MAST4: variants seen among roughly 807,000 people sequenced by gnomAD.
MAST4 encodes the protein microtubule associated serine/threonine kinase family member 4.
Under a neutral mutation model 162.7 loss-of-function variants are expected in MAST4, and 89 were observed. The ratio of observed to expected loss-of-function variants is 0.55; its 90% CI spans 0.46 to 0.65. The LOEUF (loss-of-function observed/expected upper bound fraction) is 0.65. MAST4 is among the 30% of genes least tolerant of loss of function. The pLI is 0.00. For missense variants in MAST4, 3,153 were observed against 3,374.0 expected (o/e 0.93, Z 1.62); for synonymous variants, 1,479 against 1,361.1 (o/e 1.09, Z -1.91).
Position 67,149,277 on chromosome 5 carries a change from A to G in MAST4, c.3095-112A>G, listed in dbSNP as rs983994916. 4.8e-5 allele frequency: 43 copies of G among 899,664 alleles called. No individual in the cohort carries two copies. The Middle Eastern group carries it at 1.0e-3, about 21-fold the overall frequency. 55.7% of individuals were successfully genotyped at this position (899,664 alleles called of 1,614,324 possible). On this transcript the variant is annotated intron_variant, in intron 23 of 28. Transcript: ENST00000403625. ...GACACCGTCTGGACTTACTGGCCACATAGGAGTATGTTCTCTGGCGTTTAC... is the reference window on the plus strand; with the variant it reads ...GACACCGTCTGGACTTACTGGCCACGTAGGAGTATGTTCTCTGGCGTTTAC...
At chr5:66,866,573 C>G (rs1389673537) in intron 3 of MAST4, among the ~76,000 whole-genome samples, 1 of 152,106 alleles carries the variant, frequency 6.6e-6, no homozygotes, top group Non-Finnish European at 1.5e-5. Flanking sequence ...TACTTACGTT[C>G]AGGGATCTCT....
intron 4 of MAST4, among the ~76,000 whole-genome samples, chr5:66,907,158 C>CGAGAGAGAGAGAGAGA (rs34963439): frequency 2.2e-4 from 23 of 104,356 alleles, no homozygotes; most frequent in South Asian, 7.4e-4. Flanking sequence ...CTCAGCAAAG[C>CGAGAGAGAGAGAGAGA]GAGAGAGAGA....
At chr5:66,871,030 G>T (rs190905251) in intron 3 of MAST4, among the ~76,000 whole-genome samples, 1 of 152,270 alleles carries the variant, frequency 6.6e-6, no homozygotes, top group Non-Finnish European at 1.5e-5. Context: ...TGGTGTTCTG[G>T]TAAGTGTTTA....
intron 1 of MAST4, among the ~76,000 whole-genome samples, chr5:66,672,695 G>A (rs947287547): frequency 6.6e-6 from 1 of 152,086 alleles, no homozygotes; most frequent in Non-Finnish European, 1.5e-5. Context: ...CTTTCTCATT[G>A]ATGGGTTGCT....
intron 5 of MAST4, among the ~76,000 whole-genome samples, chr5:67,058,175 C>T (rs963063369): frequency 6.6e-6 from 1 of 152,104 alleles, no homozygotes; most frequent in Non-Finnish European, 1.5e-5. Flanking sequence ...ATCTAGTCTG[C>T]AGTGAGCTAT....
In MAST4 at chr5:66,985,653, TA is replaced by T. The variant is rs1490971251; in HGVS notation, c.675-68749del. On this transcript the variant is annotated intron_variant, in intron 4 of 28. Transcript: ENST00000403625. ...TAGCTGAAAGAGACTTTGAAGTAGG[TA>T]AGATACGAGGTTGGGCTTAGAGGAA... 2.0e-5 allele frequency among the ~76,000 whole-genome samples: 3 copies of T among 152,190 alleles called. No homozygotes were observed. In the South Asian group the frequency reaches 6.2e-4, roughly 32 times the overall value.
At chr5:66,711,377 A>C (rs1393310811) in intron 1 of MAST4, among the ~76,000 whole-genome samples, 1 of 152,296 alleles carries the variant, frequency 6.6e-6, no homozygotes, top group East Asian at 1.9e-4. Context: ...AGGGTCTGGG[A>C]GAAGAATCAA....
intron 1 of MAST4, among the ~76,000 whole-genome samples, chr5:66,759,072 T>C (rs1410764437): frequency 6.6e-6 from 1 of 152,256 alleles, no homozygotes; most frequent in Non-Finnish European, 1.5e-5. Context: ...GAAGTGACTT[T>C]GGTTTCTCTG....
intron 4 of MAST4, among the ~76,000 whole-genome samples, chr5:67,038,656 C>T (rs1003229002): frequency 3.9e-5 from 6 of 152,158 alleles, no homozygotes; most frequent in African/African-American, 1.4e-4. Flanking sequence ...CTCATGCTTA[C>T]CACTCATCTC....
chr5:66,782,120 C>G (rs781664503), intron 2 of MAST4, among the ~76,000 whole-genome samples: 2 of 151,926 alleles, frequency 1.3e-5, no homozygotes, highest in Non-Finnish European at 2.9e-5. Flanking sequence ...GAAACCCTGT[C>G]TCTATTAAAA....
At chr5:66,764,973 A>G (rs1422523005) in intron 2 of MAST4, among the ~76,000 whole-genome samples, 1 of 152,214 alleles carries the variant, frequency 6.6e-6, no homozygotes, top group Admixed American at 6.5e-5. Flanking sequence ...TATCCTATAC[A>G]GGTGTACCAC....
At chr5:66,843,489 C>CT (rs142722933) in intron 3 of MAST4, among the ~76,000 whole-genome samples, 152 of 152,296 alleles carry the variant, frequency 1.0e-3, no homozygotes, top group African/African-American at 3.5e-3. Flanking sequence ...AGATCCAAGA[C>CT]TCCCCCAACT....
intron 4 of MAST4, among the ~76,000 whole-genome samples, chr5:67,015,100 A>T (rs1392491244): frequency 6.6e-6 from 1 of 152,208 alleles, no homozygotes; most frequent in Non-Finnish European, 1.5e-5. Context: ...ACTGATAAAC[A>T]TATTCAGAAA....
chr5:67,162,494 C>A, intron 27 of MAST4, 113 bp from the exon 28 acceptor site: 1 of 864,692 alleles, frequency 1.2e-6, no homozygotes, highest in Non-Finnish European at 1.8e-6. Flanking sequence ...ATAGGATCTG[C>A]TGTTGTATCC....
intron 4 of MAST4, among the ~76,000 whole-genome samples, chr5:67,045,019 T>C (rs1165275999): frequency 1.3e-5 from 2 of 152,232 alleles, no homozygotes; most frequent in Non-Finnish European, 2.9e-5. Context: ...CCAGTAGTAT[T>C]GGACTATATT....
chr5:67,094,084 A>G (rs542906881), intron 6 of MAST4: 5 of 914,224 alleles, frequency 5.5e-6, no homozygotes, highest in East Asian at 2.6e-5. Flanking sequence ...TTTATCTGGT[A>G]TATTTACATA....
intron 15 of MAST4, among the ~76,000 whole-genome samples, chr5:67,131,049 G>T (rs539834414): frequency 6.6e-6 from 1 of 152,116 alleles, no homozygotes; most frequent in African/African-American, 2.4e-5. Flanking sequence ...TGTTGTCATT[G>T]AACAGAATCC....
At chr5:66,782,453 C>T (rs1754921451) in intron 2 of MAST4, among the ~76,000 whole-genome samples, 1 of 152,162 alleles carries the variant, frequency 6.6e-6, no homozygotes, top group Admixed American at 6.5e-5. Context: ...ACTAGAGGCC[C>T]TTTGGCTAAA....
chr5:66,909,123 T>C (rs546971670), intron 4 of MAST4, among the ~76,000 whole-genome samples: 3 of 152,282 alleles, frequency 2.0e-5, no homozygotes, highest in Non-Finnish European at 2.9e-5. Flanking sequence ...AGCCAGATCA[T>C]TGGAGTAGCA....
Sources: gnomAD v4.1 joint callset for allele counts (sites outside exome capture counted in the v4.1 genomes callset) on GRCh38, gnomAD v4.1.1 for gene constraint, MANE v1.5 for transcripts, NCBI Gene and HGNC (gene_info 2026-07-23, HGNC 2026-07-21) for gene names.